The following TRIM38 variants were observed in gnomAD, a reference collection of about 807,000 sequenced individuals.
TRIM38 encodes the protein tripartite motif containing 38, also known as E3 ubiquitin-protein ligase TRIM38.
A neutral mutation model predicts 35.8 loss-of-function variants in TRIM38; 35 were observed. The ratio of observed to expected loss-of-function variants is 0.98; its 90% CI spans 0.75 to 1.30. The LOEUF (loss-of-function observed/expected upper bound fraction) is 1.30. Among genes scored for constraint, TRIM38 ranks in the 50% most tolerant of loss-of-function variants. The pLI, the probability that TRIM38 is intolerant of heterozygous loss-of-function variation, is 0.00. For synonymous variants in TRIM38, 198 were observed against 204.7 expected, an observed-to-expected ratio of 0.97 and a Z score of 0.28; for missense variants, 545 against 556.9, an observed-to-expected ratio of 0.98 and a Z score of 0.21.
In TRIM38 at chr6:25,986,422, G is replaced by A. The variant is rs113282904; in HGVS notation, c.*2735G>A. On this transcript the variant is annotated 3_prime_UTR_variant, in exon 8 of 8. Coordinates refer to ENST00000357085, the MANE Select transcript of TRIM38 (RefSeq NM_006355.5). ...TTTCAGCTACTCAGGAGGCTGAGACGAGGATTGCTTGAGCCTAGGAGGGCA... is the reference window on the plus strand; with the variant it reads ...TTTCAGCTACTCAGGAGGCTGAGACAAGGATTGCTTGAGCCTAGGAGGGCA... 2,232 of 151,696 alleles carry A rather than the reference G, an allele frequency of 0.015. 34 individuals are homozygous for A. Among genetic ancestry groups the A allele is most frequent in the Non-Finnish European group, 0.022 (1,514 of 67,990 alleles). 9.4% of individuals were successfully genotyped at this position (151,696 alleles called of 1,614,324 possible).
intron 7 of TRIM38, among the ~76,000 whole-genome samples, chr6:25,978,688 A>G (rs1344583669): frequency 6.6e-6 from 1 of 151,550 alleles, no homozygotes; most frequent in Non-Finnish European, 1.5e-5. Context: ...TTTTTTTGAG[A>G]CAGGGTCTCC....
chr6:25,973,415 T>A (rs1473402280), intron 7 of TRIM38, 130 bp downstream of exon 7: 1 of 1,456,204 alleles, frequency 6.9e-7, no homozygotes, highest in African/African-American at 1.4e-5. Flanking sequence ...AGAGCTTTCA[T>A]ACTTTCTCTA....
At position 25,983,708 on chromosome 6, in the gene TRIM38, T is replaced by C; in HGVS notation, c.*21T>C. 1 of 1,543,762 alleles carries C rather than the reference T, an allele frequency of 6.5e-7. No individual in the cohort carries two copies. The highest frequency in any genetic ancestry group is 8.7e-7 in the Non-Finnish European group (1 of 1,151,644). On this transcript the variant is annotated 3_prime_UTR_variant, in exon 8 of 8. Transcript: ENST00000357085. ...ACTAAGGAAAAGAGCAGAAGCTCCT[T>C]GGTTTAACCAGCACAGAGAAAATAA...
At position 25,985,503 on chromosome 6, in the gene TRIM38, G is replaced by C. The variant is rs1216255975; in HGVS notation, c.*1816G>C. On this transcript the variant is annotated 3_prime_UTR_variant, in exon 8 of 8. Coordinates refer to ENST00000357085, the MANE Select transcript of TRIM38 (RefSeq NM_006355.5). ...AATGCACATGCTTTGTTTCTGTCTT[G>C]TCAATCTGTCTTTTGTTAGTCTACT... is the stretch of plus-strand genomic sequence containing the variant. The C allele has an allele frequency of 6.6e-6, 1 of 152,056 alleles. No homozygotes were observed. The highest frequency in any genetic ancestry group is 1.5e-5 in the Non-Finnish European group (1 of 68,024). The allele number at this position is 152,056 out of a possible 1,614,324, so 9.4% of individuals were successfully genotyped here.
rs756021914 is a variant in TRIM38, at chr6:25,973,051, T to C, written c.739-3T>C. 3.1e-6 allele frequency: 5 copies of C among 1,614,172 alleles called. No individual in the cohort carries two copies. The highest frequency in any genetic ancestry group is 4.2e-6 in the Non-Finnish European group (5 of 1,180,012). On this transcript the variant is annotated splice_polypyrimidine_tract_variant and splice_region_variant and intron_variant, in intron 5 of 7. Transcript: ENST00000357085. ...CTCACCTTTTCTTTTTGTTTCTTTA[T>C]AGAATGTGAATGACACTTTGAGCAG...
rs983371089 is a variant in TRIM38, at chr6:25,984,422, A to G, written c.*735A>G. On this transcript the variant is annotated 3_prime_UTR_variant, in exon 8 of 8. Coordinates refer to ENST00000357085, the MANE Select transcript of TRIM38 (RefSeq NM_006355.5). ...GCTGAAATGGCTGTTGGCAGTTCTTATTATGATTCAGAGAAGAGCAAATAG... is the reference window on the plus strand; with the variant it reads ...GCTGAAATGGCTGTTGGCAGTTCTTGTTATGATTCAGAGAAGAGCAAATAG... 1 of 152,378 alleles carries G rather than the reference A, an allele frequency of 6.6e-6. No homozygotes were observed. The highest frequency in any genetic ancestry group is 2.4e-5 in the African/African-American group (1 of 41,456). The allele number at this position is 152,378 out of a possible 1,614,324, so 9.4% of individuals were successfully genotyped here.
At chr6:25,963,679 C>T (rs1171009618) in intron 2 of TRIM38, among the ~76,000 whole-genome samples, 2 of 152,196 alleles carry the variant, frequency 1.3e-5, no homozygotes, top group African/African-American at 4.8e-5. Context: ...CTCTGCTCTG[C>T]AGCCTTCTTT....
At chr6:25,971,094 AG>A (rs1213684264) in intron 4 of TRIM38, among the ~76,000 whole-genome samples, 3 of 152,206 alleles carry the variant, frequency 2.0e-5, no homozygotes, top group African/African-American at 7.2e-5. Context: ...GTTCATTATA[AG>A]CTTTTACTTC....
At chr6:25,964,269 A>C (rs1759948924) in intron 2 of TRIM38, among the ~76,000 whole-genome samples, 1 of 152,172 alleles carries the variant, frequency 6.6e-6, no homozygotes, top group Non-Finnish European at 1.5e-5. Context: ...TGTATGTATA[A>C]ATATGTATGT....
Position 25,990,325 on chromosome 6 carries a change from T to C in TRIM38, c.*6638T>C, listed in dbSNP as rs1343197179. The C allele has an allele frequency of 1.3e-5, 2 of 152,254 alleles. No homozygotes were observed. The highest frequency in any genetic ancestry group is 4.8e-5 in the African/African-American group (2 of 41,460). The allele number at this position is 152,254 out of a possible 1,614,324, so 9.4% of individuals were successfully genotyped here. On this transcript the variant is annotated 3_prime_UTR_variant, in exon 8 of 8. Coordinates refer to ENST00000357085, the MANE Select transcript of TRIM38 (RefSeq NM_006355.5). ...AATTTTAAGTTTGTCCATATGTATA[T>C]TGACACAGGGTCTTGCTCTGTTGCC...
chr6:25,971,810 C>A, intron 4 of TRIM38, 59 bp from the exon 5 acceptor site: 1 of 1,409,624 alleles, frequency 7.1e-7, no homozygotes, highest in Non-Finnish European at 1.0e-6. Flanking sequence ...TTTATCCATT[C>A]ATCCATAGAT....
rs1347225106 is a variant in TRIM38, at chr6:25,971,934, T to C, written c.573T>C (p.His191=). The part of the protein sequence containing the change: ...SDFKNLQCFL[H]EEEKSYLWRL... Reference sequence around the variant, plus strand: ...TTAAGAATCTCCAGTGTTTCCTACATGAGGAAGAGAAGTCTTATCTCTGGA... The same window carrying C: ...TTAAGAATCTCCAGTGTTTCCTACACGAGGAAGAGAAGTCTTATCTCTGGA... Residue 191 remains histidine, a synonymous_variant, in exon 5 of 8, where the codon CAT becomes CAC. Coordinates refer to ENST00000357085, the MANE Select transcript of TRIM38 (RefSeq NM_006355.5). 2 of 1,614,120 alleles carry C rather than the reference T, an allele frequency of 1.2e-6. No homozygotes were observed. Among genetic ancestry groups the C allele is most frequent in the South Asian group, 1.1e-5 (1 of 91,084 alleles).
rs1760156600 is a variant in TRIM38 at position 25,969,333 on chromosome 6, C to T, written c.420C>T (p.Leu140=). The T allele has an allele frequency of 6.2e-7, 1 of 1,612,266 alleles. No homozygotes were observed. Among genetic ancestry groups the T allele is most frequent in the Non-Finnish European group, 8.5e-7 (1 of 1,179,186 alleles). ...EDVCQGYKEK[L]QKAVTKLKQL... Reference sequence around the variant, plus strand: ...TCAAATTTTTCCTTCAGGAAAAGCTCCAGAAAGCTGTGACAAAACTGAAGC... The same window carrying T: ...TCAAATTTTTCCTTCAGGAAAAGCTTCAGAAAGCTGTGACAAAACTGAAGC... The change falls in exon 4 of 8, where the codon CTC becomes CTT. Residue 140 remains leucine (L), a synonymous_variant. Transcript: ENST00000357085.
At chr6:25,974,456 C>T (rs1266341224) in intron 7 of TRIM38, among the ~76,000 whole-genome samples, 1 of 152,138 alleles carries the variant, frequency 6.6e-6, no homozygotes, top group Non-Finnish European at 1.5e-5. Context: ...AATTATATCC[C>T]ATCATCTTTG....
chr6:25,976,136 G>A (rs1760386353), intron 7 of TRIM38, among the ~76,000 whole-genome samples: 2 of 152,256 alleles, frequency 1.3e-5, no homozygotes, highest in African/African-American at 2.4e-5. Context: ...GCTTTATAGA[G>A]GAGGAAATAT....
rs1040243580 is a variant in TRIM38 at position 25,985,099 on chromosome 6, T to C, written c.*1412T>C. Reference sequence around the variant, plus strand: ...AATATGCCATCTTTGGCATAAGAAGTATTTTGAGTTGAAGACAATTGAGAA... The same window carrying C: ...AATATGCCATCTTTGGCATAAGAAGCATTTTGAGTTGAAGACAATTGAGAA... On this transcript the variant is annotated 3_prime_UTR_variant, in exon 8 of 8. Transcript: ENST00000357085. 2.3e-4 allele frequency: 35 copies of C among 152,224 alleles called. No individual in the cohort carries two copies. Among genetic ancestry groups the C allele is most frequent in the African/African-American group, 8.4e-4 (35 of 41,498 alleles). 9.4% of individuals were successfully genotyped at this position (152,224 alleles called of 1,614,324 possible).
intron 7 of TRIM38, among the ~76,000 whole-genome samples, chr6:25,978,239 A>G (rs1760452702): frequency 6.6e-6 from 1 of 151,894 alleles, no homozygotes; most frequent in Non-Finnish European, 1.5e-5. Flanking sequence ...GATCAATGGC[A>G]ATCCTCTCAT....
At chr6:25,983,135 A>T in intron 7 of TRIM38, 29 bp from the exon 8 acceptor site, 1 of 1,533,604 alleles carries the variant, frequency 6.5e-7, no homozygotes, top group Non-Finnish European at 8.8e-7. Flanking sequence ...CAACAAAATT[A>T]TTTTTGTTTG....
intron 7 of TRIM38, among the ~76,000 whole-genome samples, chr6:25,980,636 G>T (rs1330022180): frequency 1.3e-5 from 2 of 152,246 alleles, no homozygotes; most frequent in South Asian, 4.1e-4. Context: ...GGGCAGGCTG[G>T]TCTTGAACTC....
Sources: allele counts gnomAD v4.1 joint callset (sites outside exome capture counted in the v4.1 genomes callset), GRCh38; gene constraint gnomAD v4.1.1; transcripts MANE v1.5; gene names NCBI Gene and HGNC (gene_info 2026-07-23, HGNC 2026-07-21).